The following BRI3BP variants were observed in gnomAD, a reference collection of about 807,000 sequenced individuals.
BRI3BP encodes BRI3 binding protein, also known as BRI3-binding protein.
BRI3BP carries 7 observed loss-of-function variants against 15.8 expected under a neutral mutation model. That is an observed-to-expected ratio of 0.44 (90% CI 0.25 to 0.83). The LOEUF (loss-of-function observed/expected upper bound fraction) is 0.83, where lower values mean the gene tolerates loss of function less well. Ranked by LOEUF, BRI3BP falls within the 40% of genes least tolerant of loss-of-function variation. The probability of loss-of-function intolerance (pLI) is 0.20; values close to 1 mark genes in which losing one functional copy is unlikely to be tolerated. For missense variants in BRI3BP, 320 were observed against 339.3 expected, an observed-to-expected ratio of 0.94 and a Z score of 0.45; for synonymous variants, 192 against 163.5, an observed-to-expected ratio of 1.17 and a Z score of -1.33.
At chr12:125,039,204 C>A in the BRI3BP span, among the ~76,000 whole-genome samples, 2 of 152,226 alleles carry the variant, frequency 1.3e-5, no homozygotes, top group African/African-American at 4.8e-5. Context: ...GACTGAAACC[C>A]AGCAGCTGTG....
At chr12:125,035,115 A>T (rs146083266), downstream of BRI3BP, among the ~76,000 whole-genome samples, 1,031 of 152,218 alleles carry the variant, frequency 6.8e-3, 13 homozygotes, top group African/African-American at 0.024. Context: ...GTTGTTTCCT[A>T]TTTGGGGCTA....
chr12:125,019,740 C>T (rs1955280155), intron 2 of BRI3BP, among the ~76,000 whole-genome samples: 1 of 144,198 alleles, frequency 6.9e-6, no homozygotes, highest in African/African-American at 2.7e-5. Flanking sequence ...CCTCTGAATT[C>T]AAAACCAGAT....
At chr12:124,996,945 G>C (rs772666785) in intron 1 of BRI3BP, among the ~76,000 whole-genome samples, 6 of 151,492 alleles carry the variant, frequency 4.0e-5, no homozygotes, top group Non-Finnish European at 7.4e-5. Context: ...ATTTTTAGTA[G>C]AGATGGGGTT....
intron 1 of BRI3BP, among the ~76,000 whole-genome samples, chr12:125,003,131 G>A (rs531341277): frequency 6.6e-6 from 1 of 152,324 alleles, no homozygotes; most frequent in South Asian, 2.1e-4. Context: ...CCTCTCCCTG[G>A]CTTGCTTATC....
chr12:125,046,315 A>C, the BRI3BP span, among the ~76,000 whole-genome samples: 3 of 152,196 alleles, frequency 2.0e-5, no homozygotes, highest in Non-Finnish European at 2.9e-5. Context: ...GCACTTTGGG[A>C]GGCCTAGGTG....
intron 1 of BRI3BP, among the ~76,000 whole-genome samples, chr12:124,999,241 G>C (rs1955063461): frequency 6.6e-6 from 1 of 152,088 alleles, no homozygotes; most frequent in African/African-American, 2.4e-5. Context: ...TAGTTGCATG[G>C]AATACAATTT....
At chr12:125,005,556 G>T (rs1265824566) in intron 1 of BRI3BP, among the ~76,000 whole-genome samples, 4 of 152,032 alleles carry the variant, frequency 2.6e-5, no homozygotes, top group Non-Finnish European at 5.9e-5. Flanking sequence ...ATCACTTGAG[G>T]TCAGGAATTC....
chr12:125,024,968 T>TG (rs777246547), intron 2 of BRI3BP, 23 bp from the exon 3 acceptor site: 1 of 1,591,370 alleles, frequency 6.3e-7, no homozygotes, highest in African/African-American at 1.3e-5. Flanking sequence ...TAACGAGCCC[T>TG]GTTCCTCTTT....
intron 2 of BRI3BP, among the ~76,000 whole-genome samples, chr12:125,013,606 G>A (rs1183513987): frequency 3.9e-5 from 6 of 152,182 alleles, no homozygotes; most frequent in African/African-American, 2.4e-5. Context: ...AGGCTAATGC[G>A]GTTCTTAGCT....
chr12:125,023,112 T>C (rs1262593028), intron 2 of BRI3BP, among the ~76,000 whole-genome samples: 1 of 152,214 alleles, frequency 6.6e-6, no homozygotes, highest in Admixed American at 6.5e-5. Flanking sequence ...ACTTCGTGTG[T>C]GGGTACCAGT....
chr12:125,005,873 G>A (rs1433614446), intron 1 of BRI3BP, among the ~76,000 whole-genome samples: 1 of 151,930 alleles, frequency 6.6e-6, no homozygotes, highest in Admixed American at 6.6e-5. Flanking sequence ...TTCGCTGTAA[G>A]CTCCTGTGTT....
In BRI3BP at chr12:125,028,119, A is replaced by G. The variant is rs183571698; in HGVS notation, c.*2689A>G. ...ATAAATAACTCGGGAGGTCATCTCT[A>G]TCTTCTTTCCTTTTGTGCATTTGGC... On this transcript the variant is annotated 3_prime_UTR_variant, in exon 3 of 3. Coordinates refer to ENST00000341446, the MANE Select transcript of BRI3BP (RefSeq NM_080626.6). 2.0e-5 allele frequency: 3 copies of G among 152,298 alleles called. No individual in the cohort carries two copies. Among genetic ancestry groups the G allele is most frequent in the Admixed American group, 6.5e-5 (1 of 15,286 alleles). The allele number at this position is 152,298 out of a possible 1,614,324, so 9.4% of individuals were successfully genotyped here.
chr12:125,005,248 G>A (rs1034194141), intron 1 of BRI3BP, among the ~76,000 whole-genome samples: 3 of 152,138 alleles, frequency 2.0e-5, no homozygotes, highest in Non-Finnish European at 2.9e-5. Flanking sequence ...ACAGAGTTAA[G>A]GACCATTTTC....
At chr12:125,005,994 G>A (rs996451256) in intron 1 of BRI3BP, among the ~76,000 whole-genome samples, 7 of 152,096 alleles carry the variant, frequency 4.6e-5, no homozygotes, top group South Asian at 2.1e-4. Context: ...GAGGCCCCTC[G>A]TCTTGGCTTG....
the BRI3BP span, among the ~76,000 whole-genome samples, chr12:125,044,527 G>A: frequency 5.3e-5 from 8 of 149,666 alleles, no homozygotes; most frequent in African/African-American, 1.7e-4. Flanking sequence ...TTGGCTCACT[G>A]TAAACTCTGC....
At chr12:125,004,586 TACCCCTC>T (rs1955126465) in intron 1 of BRI3BP, among the ~76,000 whole-genome samples, 1 of 152,318 alleles carries the variant, frequency 6.6e-6, no homozygotes, top group African/African-American at 2.4e-5. Flanking sequence ...AGTCGCCATA[TACCCCTC>T]ACCCTGTTTC....
chr12:125,034,541 T>C (rs377503614), downstream of BRI3BP, among the ~76,000 whole-genome samples: 12 of 151,964 alleles, frequency 7.9e-5, no homozygotes, highest in South Asian at 1.0e-3. Context: ...CTGCTCTCCA[T>C]CCCCAGGCAA....
At chr12:125,043,885 C>T in the BRI3BP span, among the ~76,000 whole-genome samples, 24,787 of 151,736 alleles carry the variant, frequency 0.16, 2,076 homozygotes, top group Middle Eastern at 0.29. Context: ...ATTAGCCAGG[C>T]GTGATGGTGC....
intron 2 of BRI3BP, among the ~76,000 whole-genome samples, chr12:125,018,984 G>A (rs760948832): frequency 3.3e-5 from 5 of 152,032 alleles, no homozygotes; most frequent in Non-Finnish European, 5.9e-5. Context: ...TCGGCCTCCT[G>A]AGTAGCTGGA....
Sources: gnomAD v4.1 joint callset for allele counts (sites outside exome capture counted in the v4.1 genomes callset) on GRCh38, gnomAD v4.1.1 for gene constraint, MANE v1.5 for transcripts, NCBI Gene and HGNC (gene_info 2026-07-23, HGNC 2026-07-21) for gene names.